Variants in FBXO25 observed in about 807,000 individuals in gnomAD.
FBXO25 encodes F-box protein 25.
Under a neutral mutation model 51.9 loss-of-function variants are expected in FBXO25, and 45 were observed. The observed-to-expected ratio is 0.87, with a 90% CI of 0.68 to 1.11. FBXO25 has a LOEUF of 1.11. Ranked by LOEUF, FBXO25 falls within the 50% of genes most tolerant of loss-of-function variation. The pLI, the probability that FBXO25 is intolerant of heterozygous loss-of-function variation, is 0.00. For synonymous variants in FBXO25, 199 were observed against 151.0 expected, an observed-to-expected ratio of 1.32 and a Z score of -2.33; for missense variants, 507 against 428.5, an observed-to-expected ratio of 1.18 and a Z score of -1.62.
At chr8:432,803 T>C in intron 3 of FBXO25, 83 bp from the exon 4 acceptor site, 2 of 1,391,496 alleles carry the variant, frequency 1.4e-6, no homozygotes, top group Non-Finnish European at 9.5e-7. Context: ...TTTGTTAACA[T>C]GTCCAATTAT....
At chr8:446,665 G>A (rs1798756872) in intron 5 of FBXO25, among the ~76,000 whole-genome samples, 1 of 152,174 alleles carries the variant, frequency 6.6e-6, no homozygotes, top group African/African-American at 2.4e-5. Flanking sequence ...AAAGATAAAG[G>A]AACAGGATTG....
In FBXO25 at chr8:423,471, G is replaced by A. The variant is rs187085111; in HGVS notation, c.135-7870G>A. On this transcript the variant is annotated intron_variant, in intron 2 of 9. Transcript: ENST00000350302. Reference sequence around the variant, plus strand: ...TCCCTCTACCTTCTAGTAGTCCCCAGTGTCTGTTGTTCCCATGTTTGTGTC... The same window carrying A: ...TCCCTCTACCTTCTAGTAGTCCCCAATGTCTGTTGTTCCCATGTTTGTGTC... 3.4e-4 allele frequency among the ~76,000 whole-genome samples: 51 copies of A among 151,978 alleles called. 1 individual carries two copies. The highest frequency in any genetic ancestry group is 3.3e-3 in the Admixed American group (50 of 15,270).
rs1416295485 is a variant in FBXO25 at position 468,494 on chromosome 8, G to A, written c.988-221G>A. Among the ~76,000 whole-genome samples the A allele has an allele frequency of 7.2e-5, 11 of 152,170 alleles. No homozygotes were observed. In the East Asian group the frequency reaches 1.2e-3, roughly 16 times the overall value. The stretch of plus-strand genomic sequence containing the variant: ...ACTGGAGGGCAGACCTGGGGCCACC[G>A]TCTCCTGCCCTACCTGAGCAGGAGT... On this transcript the variant is annotated intron_variant, in intron 9 of 9. Transcript: ENST00000350302.
chr8:422,730 C>T (rs1585018870), intron 2 of FBXO25, among the ~76,000 whole-genome samples: 1 of 152,196 alleles, frequency 6.6e-6, no homozygotes, highest in South Asian at 2.1e-4. Context: ...CGTAGTCTGA[C>T]TGTGCTGTCA....
At chr8:438,256 G>T (rs1042245007) in intron 5 of FBXO25, among the ~76,000 whole-genome samples, 1 of 151,888 alleles carries the variant, frequency 6.6e-6, no homozygotes, top group East Asian at 1.9e-4. Flanking sequence ...ATGGGGTTTC[G>T]CCATTTTGGC....
intron 2 of FBXO25, among the ~76,000 whole-genome samples, chr8:422,622 G>C (rs1383509654): frequency 6.6e-6 from 1 of 152,208 alleles, no homozygotes; most frequent in African/African-American, 2.4e-5. Context: ...GGGACACTGT[G>C]TGTTCTGCCT....
rs571069945 is a variant in FBXO25 at position 431,150 on chromosome 8, C to T, written c.135-191C>T. ...GATTCTAAAACATGTTCAGCACTTT[C>T]TGGTACAATATTCTCAAAGAACCAG... On this transcript the variant is annotated intron_variant, in intron 2 of 9. Transcript: ENST00000350302. 3.3e-5 allele frequency among the ~76,000 whole-genome samples: 5 copies of T among 152,306 alleles called. No individual in the cohort carries two copies. In the South Asian group the frequency reaches 1.0e-3, roughly 32 times the overall value.
intron 7 of FBXO25, among the ~76,000 whole-genome samples, chr8:453,547 C>A (rs999469861): frequency 6.6e-6 from 1 of 152,156 alleles, no homozygotes; most frequent in Non-Finnish European, 1.5e-5. Flanking sequence ...ATGCCGGACT[C>A]AGTCAGCCAA....
intron 5 of FBXO25, among the ~76,000 whole-genome samples, chr8:447,893 G>A (rs529059637): frequency 6.6e-6 from 1 of 152,278 alleles, no homozygotes; most frequent in South Asian, 2.1e-4. Context: ...AACCAAGTGA[G>A]ACAGCAGGAG....
intron 3 of FBXO25, among the ~76,000 whole-genome samples, chr8:431,654 C>A (rs1216472659): frequency 6.6e-6 from 1 of 152,144 alleles, no homozygotes; most frequent in Non-Finnish European, 1.5e-5. Context: ...AAGAGATAGC[C>A]AAACCCACAA....
chr8:434,527 C>T (rs554319999), intron 4 of FBXO25, among the ~76,000 whole-genome samples: 3 of 152,200 alleles, frequency 2.0e-5, no homozygotes, highest in African/African-American at 4.8e-5. Flanking sequence ...CCCGTCAGGG[C>T]GATTGGGGTT....
intron 9 of FBXO25, among the ~76,000 whole-genome samples, chr8:465,136 G>A (rs1432608927): frequency 2.0e-5 from 3 of 152,276 alleles, no homozygotes; most frequent in Non-Finnish European, 4.4e-5. Flanking sequence ...GAAAGGGGCC[G>A]ATTGAGTGAA....
chr8:438,027 T>C (rs1798204055), intron 5 of FBXO25, among the ~76,000 whole-genome samples: 1 of 152,048 alleles, frequency 6.6e-6, no homozygotes, highest in South Asian at 2.1e-4. Context: ...ATATCTGCCC[T>C]TAAGAATTTG....
At chr8:434,797 C>T (rs1259497655) in intron 4 of FBXO25, among the ~76,000 whole-genome samples, 2 of 152,088 alleles carry the variant, frequency 1.3e-5, no homozygotes, top group African/African-American at 2.4e-5. Context: ...TCTATACAAA[C>T]CAATATAGGA....
In FBXO25 at chr8:474,277, T is replaced by C. The variant is rs139312974; in HGVS notation, c.*5473T>C. ...CAAGGTTTATTCAAGTTGTAGGATA[T>C]GTCAAGATTTCTTTTTAAGGCTGAT... is the stretch of plus-strand genomic sequence containing the variant. On this transcript the variant is annotated 3_prime_UTR_variant, in exon 10 of 10. Coordinates refer to ENST00000350302, the MANE Select transcript of FBXO25 (RefSeq NM_183420.2). The C allele has an allele frequency of 9.3e-5, 17 of 182,380 alleles. No homozygotes were observed. The East Asian group carries it at 2.5e-3, about 27-fold the overall frequency. 11.3% of individuals were successfully genotyped at this position (182,380 alleles called of 1,614,324 possible). A position where few individuals can be genotyped will look rare whatever the true frequency, so the allele number is the denominator to read the frequency against.
intron 2 of FBXO25, among the ~76,000 whole-genome samples, chr8:416,733 T>A (rs1796828235): frequency 6.6e-6 from 1 of 152,224 alleles, no homozygotes; most frequent in Non-Finnish European, 1.5e-5. Context: ...ACACATACTG[T>A]TACACCTGTT....
intron 2 of FBXO25, among the ~76,000 whole-genome samples, chr8:419,507 T>C (rs1299661243): frequency 6.6e-6 from 1 of 152,218 alleles, no homozygotes; most frequent in Non-Finnish European, 1.5e-5. Context: ...CATACAGATA[T>C]GGTCGGTTTG....
chr8:467,986 T>G, intron 9 of FBXO25: 1 of 1,374,764 alleles, frequency 7.3e-7, no homozygotes, highest in African/African-American at 1.5e-5. Flanking sequence ...CTGCTAGATG[T>G]GCGCATAAAC....
intron 8 of FBXO25, among the ~76,000 whole-genome samples, chr8:460,453 TG>T (rs1799737188): frequency 6.6e-6 from 1 of 151,722 alleles, no homozygotes; most frequent in Non-Finnish European, 1.5e-5. Flanking sequence ...ATTAAGGCCC[TG>T]AAAAAAAAAG....
Sources: allele counts gnomAD v4.1 joint callset (sites outside exome capture counted in the v4.1 genomes callset), GRCh38; gene constraint gnomAD v4.1.1; transcripts MANE v1.5; gene names NCBI Gene and HGNC (gene_info 2026-07-23, HGNC 2026-07-21).